Variants in DGKG observed in about 807,000 individuals in gnomAD.
DGKG encodes the protein DAG kinase gamma.
A neutral mutation model predicts 105.3 loss-of-function variants in DGKG; 78 were observed. That is an observed-to-expected ratio of 0.74 (90% CI 0.62 to 0.89). The LOEUF is 0.89. Ranked by LOEUF, DGKG falls within the 40% of genes least tolerant of loss-of-function variation. The probability of loss-of-function intolerance (pLI) is 0.00; values close to 1 mark genes in which losing one functional copy is unlikely to be tolerated. For missense variants in DGKG, 958 were observed against 1,020.1 expected (o/e 0.94, Z 0.83); for synonymous variants, 346 against 367.1 (o/e 0.94, Z 0.66).
At chr3:186,316,894 G>A (rs921981077) in intron 2 of DGKG, among the ~76,000 whole-genome samples, 1 of 152,228 alleles carries the variant, frequency 6.6e-6, no homozygotes, top group Non-Finnish European at 1.5e-5. Context: ...ACCAGAATGT[G>A]TCTAAAATTG....
intron 17 of DGKG, among the ~76,000 whole-genome samples, chr3:186,254,403 C>T (rs1187264790): frequency 6.6e-6 from 1 of 152,136 alleles, no homozygotes. Flanking sequence ...TGCAATGGCC[C>T]CTCTCGTTGT....
chr3:186,190,959 G>A (rs974338226), intron 21 of DGKG, among the ~76,000 whole-genome samples: 2 of 152,162 alleles, frequency 1.3e-5, no homozygotes, highest in African/African-American at 4.8e-5. Context: ...CTGTCACCCA[G>A]CCTACTTTTT....
At chr3:186,207,296 G>A (rs1158970248) in intron 21 of DGKG, 6 of 181,852 alleles carry the variant, frequency 3.3e-5, no homozygotes, top group Non-Finnish European at 6.3e-5. Flanking sequence ...ACCTGGTTGA[G>A]AGTCTCTGCT....
At chr3:186,342,691 C>T (rs998540383) in intron 1 of DGKG, among the ~76,000 whole-genome samples, 3 of 151,990 alleles carry the variant, frequency 2.0e-5, no homozygotes, top group African/African-American at 7.3e-5. Context: ...GCTCAGAAGA[C>T]ATGATTGTCA....
At chr3:186,317,366 T>G (rs1724866520) in intron 2 of DGKG, among the ~76,000 whole-genome samples, 1 of 152,180 alleles carries the variant, frequency 6.6e-6, no homozygotes, top group African/African-American at 2.4e-5. Flanking sequence ...CCTCGCATGA[T>G]TCCCAAACCA....
chr3:186,256,731 C>T (rs1721495843), intron 17 of DGKG, among the ~76,000 whole-genome samples: 1 of 152,230 alleles, frequency 6.6e-6, no homozygotes, highest in Admixed American at 6.5e-5. Flanking sequence ...GGCCTGCCTC[C>T]AGCAGCCTGG....
chr3:186,319,640 C>T lies in DGKG; in HGVS notation c.67+753G>A, dbSNP rs1724988030. Among the ~76,000 whole-genome samples, 4 of 152,180 alleles carry T rather than the reference C, an allele frequency of 2.6e-5. No individual in the cohort carries two copies. The South Asian group carries it at 8.3e-4, about 31-fold the overall frequency. On this transcript the variant is annotated intron_variant, in intron 2 of 24. Coordinates refer to ENST00000265022, the MANE Select transcript of DGKG (RefSeq NM_001346.3). ...TGCCATGCAGGGTAAGTGACGGTCA[C>T]TCTGTGTGGGCAGCGTGCAGTGGTC...
At chr3:186,313,699 C>T (rs1430619671) in intron 2 of DGKG, 1 of 168,804 alleles carries the variant, frequency 5.9e-6, no homozygotes, top group African/African-American at 2.4e-5. Flanking sequence ...GTACATTAAA[C>T]ATTGAGAGCT....
intron 20 of DGKG, among the ~76,000 whole-genome samples, chr3:186,236,323 T>G (rs1316095933): frequency 1.3e-5 from 2 of 152,244 alleles, no homozygotes; most frequent in Non-Finnish European, 2.9e-5. Context: ...AACAACCCTT[T>G]TATTGTCAAT....
At chr3:186,248,783 A>AG (rs1721068380) in intron 19 of DGKG, among the ~76,000 whole-genome samples, 1 of 152,240 alleles carries the variant, frequency 6.6e-6, no homozygotes, top group African/African-American at 2.4e-5. Context: ...GAGTTCAAAT[A>AG]TTATGATTCC....
intron 20 of DGKG, among the ~76,000 whole-genome samples, chr3:186,215,848 G>T (rs1719261728): frequency 6.6e-6 from 1 of 152,052 alleles, no homozygotes; most frequent in Admixed American, 6.5e-5. Flanking sequence ...GTAACTGAAA[G>T]ACAGCACTTT....
chr3:186,312,299 G>T (rs1389729522), intron 2 of DGKG, among the ~76,000 whole-genome samples: 2 of 152,106 alleles, frequency 1.3e-5, no homozygotes, highest in Non-Finnish European at 2.9e-5. Flanking sequence ...ATTCCTCAAA[G>T]TTCTCTATGA....
intron 24 of DGKG, among the ~76,000 whole-genome samples, chr3:186,150,930 GC>G (rs1715731372): frequency 6.6e-6 from 1 of 152,142 alleles, no homozygotes; most frequent in Non-Finnish European, 1.5e-5. Context: ...CCTGAGTGTG[GC>G]CTTGCCACCT....
intron 21 of DGKG, among the ~76,000 whole-genome samples, chr3:186,201,360 G>C (rs904452384): frequency 1.3e-5 from 2 of 152,070 alleles, no homozygotes; most frequent in Admixed American, 1.3e-4. Flanking sequence ...AGCCATGAGA[G>C]AGGGCTCAGA....
chr3:186,240,312 C>T (rs1335705741), intron 20 of DGKG, among the ~76,000 whole-genome samples: 1 of 152,212 alleles, frequency 6.6e-6, no homozygotes, highest in Non-Finnish European at 1.5e-5. Flanking sequence ...TCACTTAACA[C>T]AAACCATTCT....
At chr3:186,191,949 A>G (rs912497251) in intron 21 of DGKG, among the ~76,000 whole-genome samples, 3 of 152,188 alleles carry the variant, frequency 2.0e-5, no homozygotes, top group Non-Finnish European at 4.4e-5. Flanking sequence ...TCCTTCATAC[A>G]CATATTCCTA....
chr3:186,225,687 A>G (rs1719825833), intron 20 of DGKG, among the ~76,000 whole-genome samples: 1 of 151,308 alleles, frequency 6.6e-6, no homozygotes, highest in Non-Finnish European at 1.5e-5. Context: ...AGTTCTCACC[A>G]CTCCCTAAAG....
intron 20 of DGKG, among the ~76,000 whole-genome samples, chr3:186,233,152 C>T (rs1373492566): frequency 6.6e-6 from 1 of 152,030 alleles, no homozygotes; most frequent in African/African-American, 2.4e-5. Flanking sequence ...AGTTGCCAGT[C>T]AATTGACCTT....
At chr3:186,271,192 C>T (rs905996766) in intron 11 of DGKG, among the ~76,000 whole-genome samples, 7 of 152,186 alleles carry the variant, frequency 4.6e-5, no homozygotes, top group Admixed American at 4.6e-4. Context: ...CCTTCCCCTG[C>T]TAATTTTAAG....
Sources: gnomAD v4.1 joint callset for allele counts (sites outside exome capture counted in the v4.1 genomes callset) on GRCh38, gnomAD v4.1.1 for gene constraint, MANE v1.5 for transcripts, NCBI Gene and HGNC (gene_info 2026-07-23, HGNC 2026-07-21) for gene names.